The following SEMA4B variants were observed in gnomAD, a reference collection of about 807,000 sequenced individuals.
SEMA4B encodes the protein semaphorin 4B.
In SEMA4B, 55 loss-of-function variants were observed where a neutral mutation model predicts 88.1. That is an observed-to-expected ratio of 0.62 (90% CI 0.50 to 0.78). The LOEUF (loss-of-function observed/expected upper bound fraction) is 0.78, where lower values mean the gene tolerates loss of function less well. Among genes scored for constraint, SEMA4B ranks in the 30% least tolerant of loss-of-function variants. SEMA4B has a pLI of 0.00. For synonymous variants in SEMA4B, 525 were observed against 473.6 expected (o/e 1.11, Z -1.41); for missense variants, 1,062 against 1,111.9 (o/e 0.96, Z 0.64).
In SEMA4B at chr15:90,228,473, C is replaced by T. The variant is rs1481105168; in HGVS notation, c.2344C>T (p.Leu782Phe). The change falls in exon 14 of 14, where the codon CTC becomes TTC. Residue 782 changes from leucine (L) to phenylalanine (F), a missense_variant. Coordinates refer to ENST00000411539, the MANE Select transcript of SEMA4B (RefSeq NM_198925.4). ...CGGCCTAGGGCCCCCTAGCACCCCG[C>T]TCGATCACCGAGGGTACCAGTCCCT... ...LNGLGPPSTP[L>F]DHRGYQSLSD... The T allele has an allele frequency of 6.2e-7, 1 of 1,609,890 alleles. No individual in the cohort carries two copies. The highest frequency in any genetic ancestry group is 8.5e-7 in the Non-Finnish European group (1 of 1,178,762).
chr15:90,202,729 C>T (rs1960806837), intron 1 of SEMA4B, among the ~76,000 whole-genome samples: 1 of 152,168 alleles, frequency 6.6e-6, no homozygotes, highest in South Asian at 2.1e-4. Context: ...TATCCGCAAG[C>T]CCTTTAACTT....
Position 90,219,848 on chromosome 15 carries a change from TC to T in SEMA4B, c.441del (p.Phe147LeufsTer182). On this transcript the variant is annotated frameshift_variant, in exon 4 of 14. Coordinates refer to ENST00000411539, the MANE Select transcript of SEMA4B (RefSeq NM_198925.4). LOFTEE classifies it high-confidence loss of function. ...CTGCCGCTCAGCGGCAGTCACCTGT[TC>T]ACCTGTGGCACAGCAGCCTTCAGCC... ...ILLPLSGSHL[F>X]TCGTAAFSPM... The T allele has an allele frequency of 6.2e-7, 1 of 1,613,654 alleles. No individual in the cohort carries two copies. The highest frequency in any genetic ancestry group is 8.5e-7 in the Non-Finnish European group (1 of 1,179,830).
At chr15:90,227,508 G>A (rs756798844) in intron 12 of SEMA4B, 49 bp from the exon 13 acceptor site, 1 of 1,577,150 alleles carries the variant, frequency 6.3e-7, no homozygotes, top group Non-Finnish European at 8.7e-7. Context: ...GAGGGAATGT[G>A]AGCTCAGGGG....
rs1174283057 is a variant in SEMA4B, at chr15:90,220,982, A to G, written c.484A>G (p.Asn162Asp). The change falls in exon 5 of 14, where the codon AAC becomes GAC. Residue 162 changes from asparagine (N) to aspartate (D), a missense_variant and splice_region_variant. Physicochemically the swap from Asn to Asp is conservative, Grantham distance 23. Transcript: ENST00000411539. Reference sequence around the variant, plus strand: ...AGCCCATGTGTCCACCCTCCTGCAGAACATGGAGAACTTCACCCTGGCAAG... The same window carrying G: ...AGCCCATGTGTCCACCCTCCTGCAGGACATGGAGAACTTCACCCTGGCAAG... ...AAFSPMCTYINMENFTLARDE... is the reference protein window; with the variant it reads ...AAFSPMCTYIDMENFTLARDE... 11 of 1,599,208 alleles carry G rather than the reference A, an allele frequency of 6.9e-6. No individual in the cohort carries two copies. The highest frequency in any genetic ancestry group is 8.5e-6 in the Non-Finnish European group (10 of 1,171,444).
At chr15:90,190,428 A>T (rs1960309806) in intron 1 of SEMA4B, 1 of 152,442 alleles carries the variant, frequency 6.6e-6, no homozygotes, top group African/African-American at 2.4e-5. Context: ...CAGCATCAGA[A>T]CCAAGAGCAA....
In SEMA4B at chr15:90,223,870, G is replaced by T; in HGVS notation, c.1076G>T (p.Cys359Phe). ...HRGTTEGSAV[C>F]VFTMKDVQRV... is the part of the protein sequence containing the mutation. ...GGAACTACAGAAGGCTCTGCCGTCT[G>T]TGTCTTCACAATGAAGGATGTGCAG... is the stretch of plus-strand genomic sequence containing the variant. The change falls in exon 9 of 14, where the codon TGT (cysteine) becomes TTT (phenylalanine). Residue 359 changes from cysteine to phenylalanine, a missense_variant. Physicochemically the swap from Cys to Phe is radical, Grantham distance 205. Transcript: ENST00000411539. 1 of 1,613,968 alleles carries T rather than the reference G, an allele frequency of 6.2e-7. No individual in the cohort carries two copies. Among genetic ancestry groups the T allele is most frequent in the Non-Finnish European group, 8.5e-7 (1 of 1,179,886 alleles).
At chr15:90,195,502 T>C (rs138071586) in intron 1 of SEMA4B, among the ~76,000 whole-genome samples, 115 of 152,334 alleles carry the variant, frequency 7.5e-4, no homozygotes, top group African/African-American at 2.7e-3. Flanking sequence ...AGTTGTCTTG[T>C]AGAATACTAC....
At position 90,217,557 on chromosome 15, in the gene SEMA4B, A is replaced by T. The variant is rs370378208; in HGVS notation, c.276A>T (p.Ala92=). 30 of 1,613,822 alleles carry T rather than the reference A, an allele frequency of 1.9e-5. No homozygotes were observed. The highest frequency in any genetic ancestry group is 2.5e-5 in the Non-Finnish European group (29 of 1,179,904). The change falls in exon 2 of 14, where the codon GCA becomes GCT. Residue 92 remains alanine (A), a synonymous_variant. Transcript: ENST00000411539. ...LYVGAREALF[A]LSSNLSFLPG... is the part of the protein sequence containing the mutation. The stretch of plus-strand genomic sequence containing the variant: ...TGGGTGCTCGAGAGGCCCTCTTTGC[A>T]CTCAGTAGCAACCTCAGCTTCCTGC...
In SEMA4B at chr15:90,225,686, C is replaced by T. The variant is rs550771611; in HGVS notation, c.1547C>T (p.Ser516Leu). 9 of 1,567,246 alleles carry T rather than the reference C, an allele frequency of 5.7e-6. No individual in the cohort carries two copies. Among genetic ancestry groups the T allele is most frequent in the East Asian group, 2.4e-5 (1 of 41,992 alleles). Residue 516 changes from serine (S) to leucine (L), a missense_variant, in exon 12 of 14, where the codon TCG becomes TTG. Physicochemically the swap from Ser to Leu is moderately radical, Grantham distance 145. Transcript: ENST00000411539. ...GGGCTGCTGTATGCGGCCTCACACT[C>T]GGGCGTAGTCCAGGTGCCCATGGCC... ...HRGLLYAASH[S>L]GVVQVPMANC...
chr15:90,189,740 G>A (rs574312635), intron 1 of SEMA4B, among the ~76,000 whole-genome samples: 10 of 152,264 alleles, frequency 6.6e-5, no homozygotes, highest in Admixed American at 2.0e-4. Context: ...TTGGCGGGGA[G>A]TGGGGGCTGG....
intron 7 of SEMA4B, among the ~76,000 whole-genome samples, chr15:90,222,595 T>G (rs1307857665): frequency 6.6e-6 from 1 of 151,048 alleles, no homozygotes; most frequent in African/African-American, 2.4e-5. Context: ...AATAGAAAAC[T>G]GTACACACAA....
Position 90,225,357 on chromosome 15 carries a change from C to T in SEMA4B, c.1481C>T (p.Ser494Leu), listed in dbSNP as rs770830150. ...HIIEELQIFS[S>L]GQPVQNLLLD... ...ATTGAGGAGCTGCAGATCTTCTCATCGGGACAGCCCGTGCAGAATCTGCTC... is the reference window on the plus strand; with the variant it reads ...ATTGAGGAGCTGCAGATCTTCTCATTGGGACAGCCCGTGCAGAATCTGCTC... Residue 494 changes from serine (S) to leucine (L), a missense_variant, in exon 11 of 14, where the codon TCG becomes TTG. Transcript: ENST00000411539. The T allele has an allele frequency of 8.4e-6, 13 of 1,554,596 alleles. No homozygotes were observed. Among genetic ancestry groups the T allele is most frequent in the African/African-American group, 4.1e-5 (3 of 73,206 alleles).
chr15:90,204,299 G>T (rs1212525407), intron 1 of SEMA4B, among the ~76,000 whole-genome samples: 1 of 152,184 alleles, frequency 6.6e-6, no homozygotes, highest in Non-Finnish European at 1.5e-5. Flanking sequence ...CCCATGCCCC[G>T]TAAGGACCCA....
intron 12 of SEMA4B, among the ~76,000 whole-genome samples, chr15:90,226,899 A>G (rs1487985815): frequency 1.3e-5 from 2 of 151,638 alleles, no homozygotes; most frequent in Non-Finnish European, 1.5e-5. Flanking sequence ...TTTATTTTTT[A>G]TTACACAGAT....
chr15:90,201,288 C>G, upstream of SEMA4B: 1 of 1,107,252 alleles, frequency 9.0e-7, no homozygotes, highest in South Asian at 4.4e-5. Flanking sequence ...GCGGGCCGGC[C>G]GGGCTCACGG....
intron 4 of SEMA4B, chr15:90,220,162 G>T: frequency 2.4e-6 from 1 of 409,406 alleles, no homozygotes; most frequent in Non-Finnish European, 4.4e-6. Flanking sequence ...GCCCTCTTCT[G>T]CTTCTTCCAG....
At position 90,219,725 on chromosome 15, in the gene SEMA4B, G is replaced by GT. The variant is rs1370515788; in HGVS notation, c.385-68_385-67insT. The GT allele has an allele frequency of 5.5e-6, 7 of 1,269,048 alleles. No individual in the cohort carries two copies. In the African/African-American group the frequency reaches 5.9e-5, roughly 11 times the overall value. 78.6% of individuals were successfully genotyped at this position (1,269,048 alleles called of 1,614,324 possible). ...GGCCGGGCCTGGGTGTGGAAGGGGG[G>GT]GCTCGGCGGTGCCCCCTGGTGGCAT... On this transcript the variant is annotated intron_variant, in intron 3 of 13. Transcript: ENST00000411539.
upstream of SEMA4B, among the ~76,000 whole-genome samples, chr15:90,200,996 C>T (rs906614306): frequency 6.6e-6 from 1 of 152,222 alleles, no homozygotes; most frequent in Admixed American, 6.5e-5. Context: ...GGCCTAATCA[C>T]CATCCGCCCC....
At position 90,228,199 on chromosome 15, in the gene SEMA4B, C is replaced by G; in HGVS notation, c.2070C>G (p.Pro690=). Residue 690 remains proline, a synonymous_variant, in exon 14 of 14, where the codon CCC becomes CCG. Coordinates refer to ENST00000411539, the MANE Select transcript of SEMA4B (RefSeq NM_198925.4). ...AAACAGATGAGGGTGGCAGTGTACC[C>G]GTCATTATCAGCACATCGCGTGTGA... ...ADQTDEGGSV[P]VIISTSRVSA... The G allele has an allele frequency of 6.2e-7, 1 of 1,610,136 alleles. No homozygotes were observed. Among genetic ancestry groups the G allele is most frequent in the Non-Finnish European group, 8.5e-7 (1 of 1,178,136 alleles).
Sources: allele counts gnomAD v4.1 joint callset (sites outside exome capture counted in the v4.1 genomes callset), GRCh38; gene constraint gnomAD v4.1.1; transcripts MANE v1.5; gene names NCBI Gene and HGNC (gene_info 2026-07-23, HGNC 2026-07-21).